Variants in ENTREP2 observed in about 807,000 individuals in gnomAD.
ENTREP2 encodes the protein endosomal transmembrane epsin interactor 2.
chr15:29,377,624 C>A, the ENTREP2 span, among the ~76,000 whole-genome samples: 1 of 151,828 alleles, frequency 6.6e-6, no homozygotes, highest in Non-Finnish European at 1.5e-5. Context: ...GAGTTTGAGA[C>A]CAGCCTGACC....
the ENTREP2 span, among the ~76,000 whole-genome samples, chr15:29,615,000 G>A: frequency 6.6e-6 from 1 of 152,112 alleles, no homozygotes; most frequent in East Asian, 1.9e-4. Context: ...GGCTCATAAA[G>A]CCATAATTCC....
the ENTREP2 span, among the ~76,000 whole-genome samples, chr15:29,437,609 T>G: frequency 3.9e-5 from 6 of 152,328 alleles, no homozygotes; most frequent in Non-Finnish European, 5.9e-5. Context: ...GTACTTCTCT[T>G]GTCGATTGTA....
At chr15:29,236,201 G>A in the ENTREP2 span, among the ~76,000 whole-genome samples, 1 of 152,072 alleles carries the variant, frequency 6.6e-6, no homozygotes, top group African/African-American at 2.4e-5. Flanking sequence ...AGACCCTGCA[G>A]ACATCCAAAG....
the ENTREP2 span, among the ~76,000 whole-genome samples, chr15:29,276,960 C>T: frequency 6.6e-6 from 1 of 152,146 alleles, no homozygotes; most frequent in African/African-American, 2.4e-5. Context: ...TCCCAGTGTT[C>T]TGTGGTTGGG....
At chr15:29,513,071 T>C in the ENTREP2 span, among the ~76,000 whole-genome samples, 1 of 152,338 alleles carries the variant, frequency 6.6e-6, no homozygotes, top group Non-Finnish European at 1.5e-5. Context: ...TCTAAATCCT[T>C]CTTTAAACAC....
At chr15:29,327,573 C>T in the ENTREP2 span, among the ~76,000 whole-genome samples, 1,064 of 141,212 alleles carry the variant, frequency 7.5e-3, 19 homozygotes, top group Non-Finnish European at 7.9e-3. Context: ...CCAGGCTGTG[C>T]GACAGAGCAA....
the ENTREP2 span, among the ~76,000 whole-genome samples, chr15:29,486,277 C>A: frequency 6.6e-6 from 1 of 151,934 alleles, no homozygotes; most frequent in Non-Finnish European, 1.5e-5. Flanking sequence ...AGACATCACA[C>A]CAAGTGAAAT....
At chr15:29,266,816 G>C in the ENTREP2 span, 1 of 152,210 alleles carries the variant, frequency 6.6e-6, no homozygotes, top group Non-Finnish European at 1.5e-5. Flanking sequence ...CCTTGATGTG[G>C]CCTCTGATGT....
At chr15:29,649,344 T>A in the ENTREP2 span, among the ~76,000 whole-genome samples, 2 of 152,178 alleles carry the variant, frequency 1.3e-5, no homozygotes, top group Non-Finnish European at 2.9e-5. Context: ...GAGTTATTTA[T>A]GATGAAGGAA....
the ENTREP2 span, among the ~76,000 whole-genome samples, chr15:29,199,858 A>G: frequency 6.6e-6 from 1 of 152,174 alleles, no homozygotes; most frequent in Non-Finnish European, 1.5e-5. Flanking sequence ...TTTTATTTTT[A>G]CATTTGATTG....
chr15:29,536,823 G>A, the ENTREP2 span, among the ~76,000 whole-genome samples: 21 of 152,068 alleles, frequency 1.4e-4, no homozygotes, highest in Non-Finnish European at 2.2e-4. Context: ...AGCCCCAGGT[G>A]AAGACGGAGG....
At chr15:29,480,770 A>C in the ENTREP2 span, among the ~76,000 whole-genome samples, 76,844 of 151,820 alleles carry the variant, frequency 0.51, 20,546 homozygotes, top group African/African-American at 0.7. Flanking sequence ...TTTCCCGGGC[A>C]ACTCTGACTT....
the ENTREP2 span, among the ~76,000 whole-genome samples, chr15:29,573,252 C>T: frequency 2.0e-5 from 3 of 152,090 alleles, no homozygotes; most frequent in African/African-American, 7.2e-5. Flanking sequence ...TGTAAAATTT[C>T]GTTTGCATCC....
the ENTREP2 span, among the ~76,000 whole-genome samples, chr15:29,539,266 G>A: frequency 3.7e-5 from 5 of 136,618 alleles, no homozygotes; most frequent in African/African-American, 5.6e-5. Flanking sequence ...CTAAATCAAC[G>A]ACAGTGTTCG....
chr15:29,381,801 A>G, the ENTREP2 span: 1 of 1,551,616 alleles, frequency 6.4e-7, no homozygotes, highest in Non-Finnish European at 8.7e-7. Flanking sequence ...CTCTTCCAGG[A>G]GACGACACCT....
the ENTREP2 span, chr15:29,269,102 G>A: frequency 1.2e-6 from 2 of 1,614,156 alleles, no homozygotes; most frequent in South Asian, 1.1e-5. Context: ...AAGCGCCGCA[G>A]AAAGTCCCAG....
the ENTREP2 span, among the ~76,000 whole-genome samples, chr15:29,302,360 T>C: frequency 6.6e-6 from 1 of 152,220 alleles, no homozygotes; most frequent in African/African-American, 2.4e-5. Context: ...TCACTGACTT[T>C]TTAAAAAGTA....
the ENTREP2 span, among the ~76,000 whole-genome samples, chr15:29,481,259 T>C: frequency 4.6e-5 from 7 of 152,230 alleles, no homozygotes; most frequent in Non-Finnish European, 7.4e-5. Flanking sequence ...AGGAATCCCA[T>C]GGGAATGCCG....
chr15:29,233,472 A>C, the ENTREP2 span, among the ~76,000 whole-genome samples: 18 of 152,348 alleles, frequency 1.2e-4, no homozygotes, highest in Non-Finnish European at 1.6e-4. Flanking sequence ...GAGAGTTCAA[A>C]GTTGGCATCA....
Sources: gnomAD v4.1 joint callset for allele counts (sites outside exome capture counted in the v4.1 genomes callset) on GRCh38, gnomAD v4.1.1 for gene constraint, MANE v1.5 for transcripts, NCBI Gene and HGNC (gene_info 2026-07-23, HGNC 2026-07-21) for gene names.